Variants in LINGO2 observed in about 807,000 individuals in gnomAD.
The protein encoded by LINGO2 is leucine-rich repeat and immunoglobulin-like domain-containing nogo receptor-interacting protein 2.
Under a neutral mutation model 30.6 loss-of-function variants are expected in LINGO2, and 14 were observed. The observed-to-expected ratio is 0.46, with a 90% CI of 0.30 to 0.72. The LOEUF (loss-of-function observed/expected upper bound fraction) is 0.72, where lower values mean the gene tolerates loss of function less well. LINGO2 is among the 30% of genes least tolerant of loss of function. The pLI is 0.07. For missense variants in LINGO2, 729 were observed against 751.7 expected (o/e 0.97, Z 0.35); for synonymous variants, 317 against 288.5 (o/e 1.10, Z -1.00).
the LINGO2 span, among the ~76,000 whole-genome samples, chr9:28,910,751 T>A: frequency 6.6e-6 from 1 of 152,144 alleles, no homozygotes; most frequent in Non-Finnish European, 1.5e-5. Flanking sequence ...CATGAACCAA[T>A]TAAAGTTTTT....
chr9:29,000,217 C>G, the LINGO2 span, among the ~76,000 whole-genome samples: 3 of 151,814 alleles, frequency 2.0e-5, no homozygotes, highest in African/African-American at 7.2e-5. Flanking sequence ...CCTCTTTTTC[C>G]TATGAATTAA....
chr9:29,158,786 GAGAA>G, the LINGO2 span, among the ~76,000 whole-genome samples: 13 of 152,170 alleles, frequency 8.5e-5, no homozygotes, highest in African/African-American at 1.9e-4. Context: ...GAGAGAGAGA[GAGAA>G]AGAGAGAGCA....
intron 2 of LINGO2, among the ~76,000 whole-genome samples, chr9:28,414,326 A>G (rs1822887704): frequency 6.6e-6 from 1 of 152,120 alleles, no homozygotes. Context: ...ACACAAGGCT[A>G]TTGATGAGCT....
At chr9:28,650,990 AC>A (rs1828073768) in intron 1 of LINGO2, among the ~76,000 whole-genome samples, 1 of 151,984 alleles carries the variant, frequency 6.6e-6, no homozygotes, top group African/African-American at 2.4e-5. Flanking sequence ...GGAGATCGAG[AC>A]CATCCTGGCT....
At chr9:28,431,350 C>T (rs1823669831) in intron 2 of LINGO2, among the ~76,000 whole-genome samples, 1 of 151,866 alleles carries the variant, frequency 6.6e-6, no homozygotes, top group South Asian at 2.1e-4. Flanking sequence ...CTGTCATCTG[C>T]CTAGTGTCTG....
At chr9:28,292,172 A>T (rs1823753774) in intron 4 of LINGO2, among the ~76,000 whole-genome samples, 1 of 152,176 alleles carries the variant, frequency 6.6e-6, no homozygotes, top group Non-Finnish European at 1.5e-5. Context: ...TATCAAAGGG[A>T]CAGCAGAGTG....
intron 2 of LINGO2, among the ~76,000 whole-genome samples, chr9:28,375,752 A>G (rs1011499856): frequency 6.6e-6 from 1 of 152,320 alleles, no homozygotes; most frequent in East Asian, 1.9e-4. Flanking sequence ...CATCACTTCC[A>G]CAGTCTTAAA....
At chr9:28,746,714 C>G in the LINGO2 span, among the ~76,000 whole-genome samples, 3 of 151,910 alleles carry the variant, frequency 2.0e-5, no homozygotes, top group Admixed American at 6.6e-5. Flanking sequence ...AAATAAAACA[C>G]TCTGCATAGT....
At chr9:28,876,128 C>A in the LINGO2 span, among the ~76,000 whole-genome samples, 45 of 152,162 alleles carry the variant, frequency 3.0e-4, no homozygotes, top group South Asian at 1.2e-3. Flanking sequence ...CATTGCTACT[C>A]TTCTCAATAA....
chr9:28,458,794 T>C (rs1245635345), intron 2 of LINGO2, among the ~76,000 whole-genome samples: 1 of 152,172 alleles, frequency 6.6e-6, no homozygotes, highest in Non-Finnish European at 1.5e-5. Context: ...CTTGAAGGTC[T>C]GCCCTGGCTA....
At chr9:28,880,857 G>A in the LINGO2 span, among the ~76,000 whole-genome samples, 11 of 152,308 alleles carry the variant, frequency 7.2e-5, no homozygotes, top group African/African-American at 2.4e-4. Context: ...TTACTCCGCT[G>A]AGATGTTTGG....
At chr9:28,552,764 T>C (rs182217968) in intron 1 of LINGO2, among the ~76,000 whole-genome samples, 3 of 151,688 alleles carry the variant, frequency 2.0e-5, no homozygotes, top group African/African-American at 4.8e-5. Context: ...TTATTTCTAT[T>C]CTTATTTTTT....
At position 28,355,319 on chromosome 9, in the gene LINGO2, C is replaced by G. The variant is rs867615995; in HGVS notation, c.-246+17517G>C. Among the ~76,000 whole-genome samples the G allele has an allele frequency of 4.4e-3, 605 of 136,702 alleles. 9 individuals carry two copies. The highest frequency in any genetic ancestry group is 0.015 in the African/African-American group (572 of 37,248). 89.7% of individuals were successfully genotyped at this position (136,702 alleles called of 152,430 possible). A position where few individuals can be genotyped will look rare whatever the true frequency, so the allele number is the denominator to read the frequency against. On this transcript the variant is annotated intron_variant, in intron 3 of 5. Coordinates refer to ENST00000379992, the Ensembl canonical transcript of LINGO2. The stretch of plus-strand genomic sequence containing the variant: ...TCTATGTCTCTCTCTCTCTCTCTCT[C>G]TCTCTCTGTCTCTGTCTCTCTCTCT...
chr9:28,377,046 T>A (rs1001788512), intron 2 of LINGO2, among the ~76,000 whole-genome samples: 1 of 152,210 alleles, frequency 6.6e-6, no homozygotes, highest in African/African-American at 2.4e-5. Context: ...TCTACAGAGA[T>A]GTTAGTAGAT....
intron 4 of LINGO2, among the ~76,000 whole-genome samples, chr9:28,046,502 T>G (rs1824427319): frequency 6.6e-6 from 1 of 152,182 alleles, no homozygotes; most frequent in South Asian, 2.1e-4. Context: ...CCAACTTCCT[T>G]TGCAGTTTAG....
the LINGO2 span, among the ~76,000 whole-genome samples, chr9:29,052,965 C>T: frequency 6.6e-6 from 1 of 151,478 alleles, no homozygotes; most frequent in Admixed American, 6.6e-5. Flanking sequence ...TTTTTGAAAT[C>T]CAAAACAAAA....
At chr9:28,375,300 C>T (rs79389264) in intron 2 of LINGO2, among the ~76,000 whole-genome samples, 6 of 152,250 alleles carry the variant, frequency 3.9e-5, no homozygotes, top group South Asian at 2.1e-4. Flanking sequence ...TATTATTCCC[C>T]GGTTCAGCCT....
chr9:28,485,730 A>C (rs1254668593), intron 1 of LINGO2, among the ~76,000 whole-genome samples: 1 of 152,106 alleles, frequency 6.6e-6, no homozygotes, highest in African/African-American at 2.4e-5. Flanking sequence ...CCCCTTGTAC[A>C]CATATTTCCA....
chr9:28,405,205 C>T (rs767660800), intron 2 of LINGO2, among the ~76,000 whole-genome samples: 10 of 152,010 alleles, frequency 6.6e-5, no homozygotes, highest in African/African-American at 2.2e-4. Context: ...ATATATATTA[C>T]GTAACTTGTA....
Sources: gnomAD v4.1 joint callset for allele counts (sites outside exome capture counted in the v4.1 genomes callset) on GRCh38, gnomAD v4.1.1 for gene constraint, MANE v1.5 for transcripts, NCBI Gene and HGNC (gene_info 2026-07-23, HGNC 2026-07-21) for gene names.